The following COLEC12 variants were observed in gnomAD, a reference collection of about 807,000 sequenced individuals.
The protein encoded by COLEC12 is collectin subfamily member 12, also known as collectin-12.
A neutral mutation model predicts 71.1 loss-of-function variants in COLEC12; 33 were observed. The ratio of observed to expected loss-of-function variants is 0.46; its 90% CI spans 0.35 to 0.62. The LOEUF (loss-of-function observed/expected upper bound fraction) is 0.62. Ranked by LOEUF, COLEC12 falls within the 20% of genes least tolerant of loss-of-function variation. The pLI is 0.00. For missense variants in COLEC12, 765 were observed against 916.1 expected, an observed-to-expected ratio of 0.84 and a Z score of 2.13; for synonymous variants, 350 against 353.0, an observed-to-expected ratio of 0.99 and a Z score of 0.10.
intron 1 of COLEC12, among the ~76,000 whole-genome samples, chr18:498,348 T>C (rs979241957): frequency 3.3e-5 from 5 of 149,350 alleles, no homozygotes; most frequent in Non-Finnish European, 7.4e-5. Flanking sequence ...AAAACTCTCA[T>C]GGAATATTTT....
chr18:435,981 G>A (rs1196899958), intron 2 of COLEC12, among the ~76,000 whole-genome samples: 2 of 152,132 alleles, frequency 1.3e-5, no homozygotes, highest in East Asian at 1.9e-4. Context: ...TCTTCCATGT[G>A]TATGAAAGTT....
intron 1 of COLEC12, among the ~76,000 whole-genome samples, chr18:485,390 T>C (rs1462123933): frequency 6.6e-6 from 1 of 152,228 alleles, no homozygotes; most frequent in African/African-American, 2.4e-5. Flanking sequence ...TGATCCCTGT[T>C]TCTGACAGCC....
chr18:499,192 GA>G (rs1372214091), intron 1 of COLEC12, among the ~76,000 whole-genome samples: 1 of 152,200 alleles, frequency 6.6e-6, no homozygotes, highest in Non-Finnish European at 1.5e-5. Flanking sequence ...AACTGAGATG[GA>G]GACAGAAGGA....
In COLEC12 at chr18:319,101, A is replaced by G. The variant is rs1485372425; in HGVS notation, c.*944T>C. Reference sequence around the variant, plus strand: ...CAACAGATGCCTCTCCATCCCCCACACCTCCCGACTCCACCAAAATGAAGT... The same window carrying G: ...CAACAGATGCCTCTCCATCCCCCACGCCTCCCGACTCCACCAAAATGAAGT... On this transcript the variant is annotated 3_prime_UTR_variant, in exon 10 of 10. Transcript: ENST00000400256. 1 of 150,060 alleles carries G rather than the reference A, an allele frequency of 6.7e-6. No homozygotes were observed. The highest frequency in any genetic ancestry group is 1.5e-5 in the Non-Finnish European group (1 of 67,590). The allele number at this position is 150,060 out of a possible 1,614,324, so 9.3% of individuals were successfully genotyped here.
In COLEC12 at chr18:323,096, G is replaced by A. The variant is rs533174516; in HGVS notation, c.2064-1289C>T. On this transcript the variant is annotated intron_variant, in intron 8 of 9. Transcript: ENST00000400256. ...AAAAATTAGCTGGGCATGGTGGCAG[G>A]CACCTGTAGTCCCAGCTACTTGGGA... Among the ~76,000 whole-genome samples, 182 of 152,254 alleles carry A rather than the reference G, an allele frequency of 1.2e-3. 9 individuals are homozygous for A. The South Asian group carries it at 0.036, about 30-fold the overall frequency.
intron 2 of COLEC12, among the ~76,000 whole-genome samples, chr18:427,912 G>T (rs992918581): frequency 6.6e-6 from 1 of 151,972 alleles, no homozygotes; most frequent in Non-Finnish European, 1.5e-5. Flanking sequence ...GTTTATCATC[G>T]TTTAAAAACA....
chr18:420,528 T>TA (rs1159192363), intron 2 of COLEC12, among the ~76,000 whole-genome samples: 2 of 152,108 alleles, frequency 1.3e-5, no homozygotes, highest in Non-Finnish European at 2.9e-5. Context: ...TAAAAAGCGA[T>TA]AAAAAATTTT....
At chr18:360,556 T>C (rs994625704) in intron 2 of COLEC12, among the ~76,000 whole-genome samples, 1 of 149,332 alleles carries the variant, frequency 6.7e-6, no homozygotes, top group African/African-American at 2.5e-5. Context: ...GATGCTGCGG[T>C]CTGTGGACCA....
At chr18:390,550 CG>C (rs1197625539) in intron 2 of COLEC12, among the ~76,000 whole-genome samples, 1 of 152,154 alleles carries the variant, frequency 6.6e-6, no homozygotes, top group East Asian at 1.9e-4. Context: ...CACCCGAGGT[CG>C]GGAGTTCGAG....
chr18:443,992 G>A (rs1916597148), intron 2 of COLEC12, among the ~76,000 whole-genome samples: 1 of 152,082 alleles, frequency 6.6e-6, no homozygotes, highest in Non-Finnish European at 1.5e-5. Context: ...AAAGCTCCCT[G>A]AGGCCTCTCC....
intron 8 of COLEC12, among the ~76,000 whole-genome samples, chr18:323,158 G>T (rs1028538172): frequency 1.2e-4 from 18 of 152,276 alleles, no homozygotes; most frequent in Middle Eastern, 3.4e-3. Context: ...CCAGGAGGTG[G>T]AGGTTTGCAG....
In COLEC12 at chr18:443,756, A is replaced by G. The variant is rs562852902; in HGVS notation, c.58+36951T>C. ...GTCCCCACCCAAATCTCATGTTGAA[A>G]TGTAGTCCCCAGTGGTGGAGGTGGG... On this transcript the variant is annotated intron_variant, in intron 2 of 9. Transcript: ENST00000400256. Among the ~76,000 whole-genome samples, 140 of 152,308 alleles carry G rather than the reference A, an allele frequency of 9.2e-4. 1 individual carries two copies. Among genetic ancestry groups the G allele is most frequent in the African/African-American group, 3.3e-3 (136 of 41,576 alleles).
At chr18:460,953 G>A (rs1916972202) in intron 2 of COLEC12, among the ~76,000 whole-genome samples, 1 of 152,176 alleles carries the variant, frequency 6.6e-6, no homozygotes. Context: ...TGTGTGATGA[G>A]CTAACTTTGA....
rs181775912 is a variant in COLEC12 at position 483,360 on chromosome 18, T to C, written c.8-2603A>G. On this transcript the variant is annotated intron_variant, in intron 1 of 9. Coordinates refer to ENST00000400256, the MANE Select transcript of COLEC12 (RefSeq NM_130386.3). ...TGCAGTGAGCCAAGATCACGCCAAC[T>C]ACACTCCAGCCTGAGCGACAGAGTG... 4.9e-4 allele frequency among the ~76,000 whole-genome samples: 69 copies of C among 141,558 alleles called. No homozygotes were observed. The East Asian group carries it at 0.013, about 28-fold the overall frequency. 92.9% of individuals were successfully genotyped at this position (141,558 alleles called of 152,430 possible).
intron 1 of COLEC12, among the ~76,000 whole-genome samples, chr18:482,042 G>A (rs923181096): frequency 5.9e-5 from 9 of 151,808 alleles, no homozygotes; most frequent in Non-Finnish European, 1.2e-4. Flanking sequence ...CACCCGACAC[G>A]TAGTTTTTCA....
intron 5 of COLEC12, among the ~76,000 whole-genome samples, chr18:343,493 C>A (rs1398521225): frequency 6.6e-6 from 1 of 152,038 alleles, no homozygotes; most frequent in Non-Finnish European, 1.5e-5. Context: ...CTCTCGGTGA[C>A]CCCTCCCTGC....
At chr18:453,283 G>C (rs758572897) in intron 2 of COLEC12, among the ~76,000 whole-genome samples, 1 of 152,164 alleles carries the variant, frequency 6.6e-6, no homozygotes, top group Non-Finnish European at 1.5e-5. Context: ...TGGCCAGGTT[G>C]GGGATTTCTA....
intron 2 of COLEC12, among the ~76,000 whole-genome samples, chr18:479,719 G>A (rs1300617368): frequency 6.6e-6 from 1 of 152,302 alleles, no homozygotes; most frequent in East Asian, 1.9e-4. Context: ...CAAGGTCAAA[G>A]AGAAGCAAGG....
chr18:367,221 G>A (rs188844722), intron 2 of COLEC12, among the ~76,000 whole-genome samples: 27 of 152,322 alleles, frequency 1.8e-4, no homozygotes, highest in African/African-American at 6.3e-4. Flanking sequence ...GGGGAACAGC[G>A]CTGAGCAGGA....
Sources: gnomAD v4.1 joint callset for allele counts (sites outside exome capture counted in the v4.1 genomes callset) on GRCh38, gnomAD v4.1.1 for gene constraint, MANE v1.5 for transcripts, NCBI Gene and HGNC (gene_info 2026-07-23, HGNC 2026-07-21) for gene names.